Variants in DCAF12 observed in about 807,000 individuals in gnomAD.
DCAF12 encodes the protein DDB1- and CUL4-associated factor 12.
In DCAF12, 28 loss-of-function variants were observed where a neutral mutation model predicts 52.8. The ratio of observed to expected loss-of-function variants is 0.53; its 90% CI spans 0.39 to 0.73. DCAF12 has a LOEUF of 0.73. DCAF12 is among the 30% of genes least tolerant of loss of function. The probability of loss-of-function intolerance (pLI) is 0.00; values close to 1 mark genes in which losing one functional copy is unlikely to be tolerated. For missense variants in DCAF12, 425 were observed against 552.2 expected, an observed-to-expected ratio of 0.77 and a Z score of 2.31; for synonymous variants, 196 against 215.5, an observed-to-expected ratio of 0.91 and a Z score of 0.79.
At chr9:34,092,581 G>A (rs560362682) in intron 7 of DCAF12, among the ~76,000 whole-genome samples, 1 of 151,808 alleles carries the variant, frequency 6.6e-6, no homozygotes, top group Admixed American at 6.6e-5. Flanking sequence ...ACCTACTCGC[G>A]AGGCTGAGGC....
chr9:34,094,828 C>T (rs1049986678), intron 6 of DCAF12, among the ~76,000 whole-genome samples: 1 of 152,086 alleles, frequency 6.6e-6, no homozygotes, highest in African/African-American at 2.4e-5. Flanking sequence ...CCGCACCCGG[C>T]CCCGATTTTT....
At chr9:34,096,436 T>C (rs1387376899) in intron 6 of DCAF12, among the ~76,000 whole-genome samples, 1 of 151,886 alleles carries the variant, frequency 6.6e-6, no homozygotes, top group Non-Finnish European at 1.5e-5. Flanking sequence ...GTGTTCCTAC[T>C]AAAAATACAA....
chr9:34,104,375 C>T (rs189288879), intron 4 of DCAF12, among the ~76,000 whole-genome samples: 1 of 151,960 alleles, frequency 6.6e-6, no homozygotes, highest in Non-Finnish European at 1.5e-5. Context: ...GAGAACTAGA[C>T]ATGGTTTGTT....
chr9:34,092,744 TACTA>T (rs1251616921), intron 7 of DCAF12, among the ~76,000 whole-genome samples: 1 of 151,780 alleles, frequency 6.6e-6, no homozygotes, highest in African/African-American at 2.4e-5. Context: ...ACATGGAAAC[TACTA>T]ACTAATATCC....
At chr9:34,126,254 G>A in intron 1 of DCAF12, 100 bp downstream of exon 1, 1 of 1,453,336 alleles carries the variant, frequency 6.9e-7, no homozygotes, top group Non-Finnish European at 9.4e-7. Context: ...GCCTCTGACT[G>A]CAGACCCTGG....
rs190437813 is a variant in DCAF12 at position 34,114,763 on chromosome 9, G to C, written c.334-7198C>G. Among the ~76,000 whole-genome samples, 3 of 152,218 alleles carry C rather than the reference G, an allele frequency of 2.0e-5. No individual in the cohort carries two copies. The East Asian group carries it at 5.8e-4, about 29-fold the overall frequency. ...AGTCTATCTCTGCATGCATTCATGT[G>C]TATCTAGACAAATGTAAATGAGTGT... On this transcript the variant is annotated intron_variant, in intron 2 of 8. Coordinates refer to ENST00000361264, the MANE Select transcript of DCAF12 (RefSeq NM_015397.4).
intron 3 of DCAF12, 50 bp downstream of exon 3, chr9:34,107,309 C>T (rs1828918771): frequency 1.3e-6 from 2 of 1,561,792 alleles, no homozygotes; most frequent in South Asian, 1.1e-5. Flanking sequence ...ATCACTGAGA[C>T]CCGTTTAAAA....
At chr9:34,121,857 C>T (rs889505761) in intron 2 of DCAF12, among the ~76,000 whole-genome samples, 9 of 152,088 alleles carry the variant, frequency 5.9e-5, no homozygotes, top group South Asian at 2.1e-4. Context: ...GCGGGAGAAT[C>T]GATTGAACCC....
intron 4 of DCAF12, among the ~76,000 whole-genome samples, chr9:34,100,078 A>C (rs1828802536): frequency 6.6e-6 from 1 of 151,868 alleles, no homozygotes; most frequent in Non-Finnish European, 1.5e-5. Flanking sequence ...GGCCCAGGGT[A>C]GACAGGGCAA....
chr9:34,096,710 T>C lies in DCAF12; in HGVS notation c.861+6A>G. On this transcript the variant is annotated splice_donor_region_variant and intron_variant, in intron 6 of 8. Transcript: ENST00000361264. ...AGGTAAAACCACAAAATCATGTTCA[T>C]CACACCTTAGATAGTGTATTTTCAG... The C allele has an allele frequency of 6.2e-7, 1 of 1,612,958 alleles. No individual in the cohort carries two copies. Among genetic ancestry groups the C allele is most frequent in the Non-Finnish European group, 8.5e-7 (1 of 1,179,182 alleles).
At position 34,109,018 on chromosome 9, in the gene DCAF12, T is replaced by C. The variant is rs1380588453; in HGVS notation, c.334-1453A>G. 3.7e-5 allele frequency among the ~76,000 whole-genome samples: 5 copies of C among 136,630 alleles called. No homozygotes were observed. In the East Asian group the frequency reaches 6.0e-4, roughly 16 times the overall value. 89.6% of individuals were successfully genotyped at this position (136,630 alleles called of 152,430 possible). A position where few individuals can be genotyped will look rare whatever the true frequency, so the allele number is the denominator to read the frequency against. ...TATATATATATGGTTTTTTTTTTTT[T>C]CACTAGGAAAATGGTTTCATTGGAG... On this transcript the variant is annotated intron_variant, in intron 2 of 8. Transcript: ENST00000361264.
In DCAF12 at chr9:34,126,386, G is replaced by A. The variant is rs955615754; in HGVS notation, c.46C>T (p.Pro16Ser). ...VSRKRKAPAS[P>S]GAGSDAQGPQ... is the part of the protein sequence containing the mutation. ...CCCTGAGCGTCGCTCCCAGCTCCCGGCGAGGCGGGCGCTTTCCGCTTCCTG... is the reference window on the plus strand; with the variant it reads ...CCCTGAGCGTCGCTCCCAGCTCCCGACGAGGCGGGCGCTTTCCGCTTCCTG... Residue 16 changes from proline to serine, a missense_variant, in exon 1 of 9, where the codon CCG becomes TCG. By Grantham distance (74) the Pro-to-Ser change is moderately conservative. This residue lies in a region of DCAF12 where 89 missense variants were observed against 84.9 expected (regional missense o/e 1.05). Coordinates refer to ENST00000361264, the MANE Select transcript of DCAF12 (RefSeq NM_015397.4). 6.2e-7 allele frequency: 1 copy of A among 1,611,248 alleles called. No individual in the cohort carries two copies. The highest frequency in any genetic ancestry group is 8.5e-7 in the Non-Finnish European group (1 of 1,179,748).
At position 34,107,650 on chromosome 9, in the gene DCAF12, A is replaced by G. The variant is rs1323002560; in HGVS notation, c.334-85T>C. 24 of 1,174,212 alleles carry G rather than the reference A, an allele frequency of 2.0e-5. No homozygotes were observed. The East Asian group carries it at 6.0e-4, about 29-fold the overall frequency. The allele number at this position is 1,174,212 out of a possible 1,614,324, so 72.7% of individuals were successfully genotyped here. A position where few individuals can be genotyped will look rare whatever the true frequency, so the allele number is the denominator to read the frequency against. The stretch of plus-strand genomic sequence containing the variant: ...TAAACATCCTTTTGTTCAACTGTTC[A>G]TCAACATTTAATTAACAACTACTAC... On this transcript the variant is annotated intron_variant, in intron 2 of 8. Coordinates refer to ENST00000361264, the MANE Select transcript of DCAF12 (RefSeq NM_015397.4).
At chr9:34,096,587 G>A in intron 6 of DCAF12, 129 bp downstream of exon 6, 2 of 854,026 alleles carry the variant, frequency 2.3e-6, no homozygotes. Context: ...CTGGGCATCA[G>A]AGCGAGACTC....
chr9:34,111,706 A>C (rs1402325569), intron 2 of DCAF12, among the ~76,000 whole-genome samples: 1 of 152,180 alleles, frequency 6.6e-6, no homozygotes, highest in African/African-American at 2.4e-5. Context: ...TTTCAGGACA[A>C]TCAGTCCAAA....
intron 2 of DCAF12, chr9:34,109,702 CG>C: frequency 5.2e-6 from 1 of 193,864 alleles, no homozygotes; most frequent in Admixed American, 5.6e-5. Flanking sequence ...GAAGTGCAAG[CG>C]GGGGAATAGG....
At chr9:34,105,617 G>A (rs1215580031) in intron 4 of DCAF12, among the ~76,000 whole-genome samples, 2 of 152,132 alleles carry the variant, frequency 1.3e-5, no homozygotes, top group East Asian at 1.9e-4. Flanking sequence ...CTGCACTCAA[G>A]CCTGGGTGAC....
chr9:34,114,250 C>T (rs1388016940), intron 2 of DCAF12, among the ~76,000 whole-genome samples: 1 of 152,220 alleles, frequency 6.6e-6, no homozygotes, highest in Admixed American at 6.5e-5. Context: ...AATGACCTCA[C>T]TTATATGTGG....
intron 2 of DCAF12, among the ~76,000 whole-genome samples, chr9:34,120,563 C>T (rs1353643930): frequency 2.7e-5 from 4 of 149,008 alleles, no homozygotes; most frequent in African/African-American, 4.9e-5. Flanking sequence ...CCCAGCTAGT[C>T]GGGGGGCTGA....
Sources: gnomAD v4.1 joint callset for allele counts (sites outside exome capture counted in the v4.1 genomes callset) on GRCh38, gnomAD v4.1.1 for gene constraint, gnomAD v4.1.1 regional missense constraint, MANE v1.5 for transcripts, NCBI Gene and HGNC (gene_info 2026-07-23, HGNC 2026-07-21) for gene names.